Variants in RBFOX1 observed in about 807,000 individuals in gnomAD.
RBFOX1 encodes the protein RNA binding fox-1 homolog 1, also known as RNA binding protein fox-1 homolog 1.
RBFOX1 carries 8 observed loss-of-function variants against 57.7 expected under a neutral mutation model. That is an observed-to-expected ratio of 0.14 (90% CI 0.08 to 0.25). The LOEUF is 0.25. Ranked by LOEUF, RBFOX1 falls within the 10% of genes least tolerant of loss-of-function variation. RBFOX1 has a pLI of 1.00. For synonymous variants in RBFOX1, 326 were observed against 222.4 expected (o/e 1.47, Z -4.15); for missense variants, 611 against 548.5 (o/e 1.11, Z -1.14).
chr16:5,285,992 G>T (rs193094845), intron 1 of RBFOX1, among the ~76,000 whole-genome samples: 3 of 152,026 alleles, frequency 2.0e-5, no homozygotes, highest in African/African-American at 7.2e-5. Context: ...GGCTGGTCTC[G>T]AACTCCTCAC....
intron 2 of RBFOX1, among the ~76,000 whole-genome samples, chr16:5,475,916 C>A (rs1567140046): frequency 6.6e-6 from 1 of 152,212 alleles, no homozygotes; most frequent in Non-Finnish European, 1.5e-5. Context: ...AGTGATCCTC[C>A]TGCCCTGGCC....
chr16:6,506,891 A>G (rs1029221403), intron 2 of RBFOX1, among the ~76,000 whole-genome samples: 4 of 151,874 alleles, frequency 2.6e-5, no homozygotes, highest in African/African-American at 9.7e-5. Context: ...CAAGTGATCC[A>G]CCTGCCTTGG....
chr16:6,129,074 T>A (rs998141532), intron 1 of RBFOX1, among the ~76,000 whole-genome samples: 5 of 134,970 alleles, frequency 3.7e-5, no homozygotes, highest in African/African-American at 1.0e-4. Flanking sequence ...TAGCACAATC[T>A]GGATTTCTAT....
chr16:5,316,864 G>A (rs183979358), intron 1 of RBFOX1, among the ~76,000 whole-genome samples: 10 of 152,212 alleles, frequency 6.6e-5, no homozygotes, highest in Admixed American at 2.0e-4. Context: ...GGTGCACTGA[G>A]TGGGGAAGAT....
intron 4 of RBFOX1, among the ~76,000 whole-genome samples, chr16:7,204,139 A>C (rs780211419): frequency 2.0e-5 from 3 of 152,244 alleles, no homozygotes; most frequent in Non-Finnish European, 4.4e-5. Context: ...GGGTATCTGC[A>C]GATACCTGCC....
chr16:6,519,254 T>C (rs1223675133), intron 2 of RBFOX1, among the ~76,000 whole-genome samples: 1 of 152,192 alleles, frequency 6.6e-6, no homozygotes. Flanking sequence ...GGGAGTGCTC[T>C]GTGCACCAGA....
Position 6,217,174 on chromosome 16 carries a change from C to CTTTTTTT in RBFOX1, c.-126-99809_-126-99803dup, listed in dbSNP as rs71142697. ...CTCGTGTCTATTCATTTAGGGGATT[C>CTTTTTTT]TTTTTTTTTTTTTTTTTTGTAGAAT... is the stretch of plus-strand genomic sequence containing the variant. On this transcript the variant is annotated intron_variant, in intron 1 of 15. Coordinates refer to ENST00000550418, the MANE Select transcript of RBFOX1 (RefSeq NM_018723.4). Among the ~76,000 whole-genome samples the CTTTTTTT allele has an allele frequency of 2.9e-3, 346 of 118,940 alleles. 2 individuals carry two copies. Among genetic ancestry groups the CTTTTTTT allele is most frequent in the Non-Finnish European group, 3.6e-3 (219 of 60,568 alleles). 78.0% of individuals were successfully genotyped at this position (118,940 alleles called of 152,430 possible). A position where few individuals can be genotyped will look rare whatever the true frequency, so the allele number is the denominator to read the frequency against.
intron 3 of RBFOX1, among the ~76,000 whole-genome samples, chr16:6,906,014 C>T (rs1256246155): frequency 1.3e-5 from 2 of 152,198 alleles, no homozygotes; most frequent in African/African-American, 4.8e-5. Flanking sequence ...CCTCTGCCTT[C>T]CTCTGGTTGG....
At chr16:7,632,147 G>C (rs144352442) in intron 11 of RBFOX1, among the ~76,000 whole-genome samples, 3,838 of 152,218 alleles carry the variant, frequency 0.025, 174 homozygotes, top group African/African-American at 0.088. Flanking sequence ...GACCTCAGAT[G>C]ATCCATCCAC....
At chr16:6,073,476 T>G (rs771893632) in intron 1 of RBFOX1, among the ~76,000 whole-genome samples, 6 of 152,182 alleles carry the variant, frequency 3.9e-5, no homozygotes, top group Admixed American at 1.3e-4. Context: ...GCTATTATTA[T>G]TTTTTCCAAG....
chr16:5,999,043 A>G (rs2152327137), intron 4 of RBFOX1, among the ~76,000 whole-genome samples: 1 of 152,298 alleles, frequency 6.6e-6, no homozygotes, highest in South Asian at 2.1e-4. Context: ...TTAATCACAG[A>G]CTGCCTGAGA....
chr16:5,488,688 G>A (rs1435470710), intron 2 of RBFOX1, among the ~76,000 whole-genome samples: 1 of 148,442 alleles, frequency 6.7e-6, no homozygotes, highest in Non-Finnish European at 1.5e-5. Flanking sequence ...AGGTGACGGT[G>A]ATGATGATGA....
intron 3 of RBFOX1, among the ~76,000 whole-genome samples, chr16:6,709,288 G>C (rs891022892): frequency 6.6e-6 from 1 of 152,106 alleles, no homozygotes; most frequent in African/African-American, 2.4e-5. Context: ...CTGTGCAGAA[G>C]ACAGATCTGA....
chr16:7,218,708 C>G (rs1260879298), intron 4 of RBFOX1, among the ~76,000 whole-genome samples: 1 of 136,722 alleles, frequency 7.3e-6, no homozygotes, highest in Non-Finnish European at 1.5e-5. Flanking sequence ...GGCTGTGAGA[C>G]TTTGGTAAGT....
rs372085042 is a variant in RBFOX1 at position 7,607,302 on chromosome 16, G to T, written c.640G>T (p.Val214Phe). 1 of 1,610,432 alleles carries T rather than the reference G, an allele frequency of 6.2e-7. No individual in the cohort carries two copies. The highest frequency in any genetic ancestry group is 1.3e-5 in the African/African-American group (1 of 74,928). Residue 214 changes from valine (V) to phenylalanine (F), a missense_variant, in exon 10 of 16, where the codon GTT (valine) becomes TTT (phenylalanine). Val to Phe is a conservative substitution (Grantham distance 50, BLOSUM62 -1). Around this residue, in one of 3 missense-constraint regions of RBFOX1, gnomAD observed 99 missense variants for 160.3 expected, o/e 0.62. Transcript: ENST00000550418. Reference protein sequence around the residue: ...PYTNGWKLNPVVGAVYSPEFY... With the variant: ...PYTNGWKLNPFVGAVYSPEFY... The stretch of plus-strand genomic sequence containing the variant: ...GTTTTAAGGCTGGAAATTGAATCCA[G>T]TTGTGGGTGCAGTCTACAGTCCCGA...
chr16:6,442,871 A>C (rs1388907516), intron 2 of RBFOX1, among the ~76,000 whole-genome samples: 1 of 152,212 alleles, frequency 6.6e-6, no homozygotes, highest in African/African-American at 2.4e-5. Flanking sequence ...ATATGATATC[A>C]GTTTGGTGCA....
At chr16:7,024,261 G>C (rs1461443696) in intron 3 of RBFOX1, among the ~76,000 whole-genome samples, 10 of 152,148 alleles carry the variant, frequency 6.6e-5, no homozygotes, top group Admixed American at 6.5e-4. Flanking sequence ...AATGCACAGA[G>C]ACATGGTGGC....
intron 3 of RBFOX1, among the ~76,000 whole-genome samples, chr16:5,675,689 C>G (rs1303634088): frequency 2.6e-5 from 4 of 152,228 alleles, no homozygotes; most frequent in South Asian, 4.1e-4. Context: ...ATTTGCAAGG[C>G]TGTGCTGGAG....
Position 7,168,857 on chromosome 16 carries a change from T to C in RBFOX1, c.27+116759T>C, listed in dbSNP as rs143758549. Among the ~76,000 whole-genome samples the C allele has an allele frequency of 3.8e-3, 579 of 152,334 alleles. 5 individuals are homozygous for C. The highest frequency in any genetic ancestry group is 0.013 in the African/African-American group (554 of 41,584). On this transcript the variant is annotated intron_variant, in intron 4 of 15. Coordinates refer to ENST00000550418, the MANE Select transcript of RBFOX1 (RefSeq NM_018723.4). ...TTCATTCTCCTGACATGAACAAATATACTTTCAAATAGGAGGAGTGTGCCT... is the reference window on the plus strand; with the variant it reads ...TTCATTCTCCTGACATGAACAAATACACTTTCAAATAGGAGGAGTGTGCCT...
Sources: allele counts gnomAD v4.1 joint callset (sites outside exome capture counted in the v4.1 genomes callset), GRCh38; gene constraint gnomAD v4.1.1; regional missense constraint gnomAD v4.1.1; transcripts MANE v1.5; gene names NCBI Gene and HGNC (gene_info 2026-07-23, HGNC 2026-07-21).